ARID2: variants seen among roughly 807,000 people sequenced by gnomAD.
The protein encoded by ARID2 is AT-rich interactive domain-containing protein 2.
Under a neutral mutation model 184.6 loss-of-function variants are expected in ARID2, and 32 were observed. That is an observed-to-expected ratio of 0.17 (90% CI 0.13 to 0.23). The LOEUF (loss-of-function observed/expected upper bound fraction) is 0.23. Among genes scored for constraint, ARID2 ranks in the 10% least tolerant of loss-of-function variants. The probability of loss-of-function intolerance (pLI) is 1.00; values close to 1 mark genes in which losing one functional copy is unlikely to be tolerated. For synonymous variants in ARID2, 836 were observed against 772.6 expected (o/e 1.08, Z -1.36); for missense variants, 1,696 against 2,197.6 (o/e 0.77, Z 4.56).
In ARID2 at chr12:45,849,623, A is replaced by G. The variant is rs78128744; in HGVS notation, c.1759A>G (p.Ser587Gly). 1.1e-3 allele frequency: 1,725 copies of G among 1,613,622 alleles called. 19 individuals are homozygous for G. In the East Asian group the frequency reaches 0.026, roughly 24 times the overall value. Residue 587 changes from serine to glycine, a missense_variant, in exon 14 of 21, where the codon AGT (serine) becomes GGT (glycine). By Grantham distance (56) the Ser-to-Gly change is moderately conservative. Coordinates refer to ENST00000334344, the MANE Select transcript of ARID2 (RefSeq NM_152641.4). ...NHTVKRVEDS[S>G]SNGQAHIHVV... ...TACAGTGAAGAGAGTGGAGGATTCC[A>G]GTAGCAATGGGCAGGCACATATTCA...
intron 3 of ARID2, among the ~76,000 whole-genome samples, chr12:45,751,165 G>T (rs1174578984): frequency 1.3e-5 from 2 of 152,194 alleles, no homozygotes; most frequent in Non-Finnish European, 2.9e-5. Flanking sequence ...GCTTTTGCTT[G>T]AGTAGGGTGT....
chr12:45,786,989 A>T lies in ARID2; in HGVS notation c.285-24429A>T, dbSNP rs12300200. On this transcript the variant is annotated intron_variant, in intron 3 of 20. Transcript: ENST00000334344. ...GATTTCCAGAGGCTGGAAGTTGTGG[A>T]GATGGGGGAGATGTCGGTCAAAGGT... 4.8e-3 allele frequency among the ~76,000 whole-genome samples: 725 copies of T among 152,286 alleles called. 8 individuals carry two copies. The highest frequency in any genetic ancestry group is 0.017 in the African/African-American group (705 of 41,558).
At chr12:45,771,287 G>A (rs568980106) in intron 3 of ARID2, among the ~76,000 whole-genome samples, 142 of 151,844 alleles carry the variant, frequency 9.4e-4, no homozygotes, top group South Asian at 1.7e-3. Flanking sequence ...GAGCCCGGGA[G>A]GCGGAGGTTG....
rs752136701 is a variant in ARID2, at chr12:45,851,467, C to T, written c.3344C>T (p.Thr1115Ile). The change falls in exon 15 of 21, where the codon ACT becomes ATT. Residue 1115 changes from threonine (T) to isoleucine (I), a missense_variant. Thr to Ile is a moderately conservative substitution (Grantham distance 89). This residue lies in a region of ARID2 where 713 missense variants were observed against 824.4 expected (regional missense o/e 0.86). Transcript: ENST00000334344. ...QAAGFGVQGQTPAQQLLVGQQ... is the reference protein window; with the variant it reads ...QAAGFGVQGQIPAQQLLVGQQ... ...GCAGGTTTTGGAGTGCAGGGGCAAA[C>T]TCCAGCTCAGCAGCTATTGGTTGGG... The T allele has an allele frequency of 6.2e-7, 1 of 1,614,134 alleles. No individual in the cohort carries two copies. Among genetic ancestry groups the T allele is most frequent in the Non-Finnish European group, 8.5e-7 (1 of 1,179,994 alleles).
At chr12:45,882,038 A>G (rs936456727) in intron 16 of ARID2, 1 of 172,082 alleles carries the variant, frequency 5.8e-6, no homozygotes, top group African/African-American at 2.4e-5. Context: ...CTCAGGTTCT[A>G]GGTGCTCCTT....
chr12:45,870,696 T>C (rs1943913932), intron 16 of ARID2, among the ~76,000 whole-genome samples: 1 of 152,192 alleles, frequency 6.6e-6, no homozygotes, highest in Admixed American at 6.5e-5. Flanking sequence ...TGTAATATAG[T>C]TGGAATTATT....
At chr12:45,757,705 G>C (rs890862891) in intron 3 of ARID2, among the ~76,000 whole-genome samples, 1 of 151,840 alleles carries the variant, frequency 6.6e-6, no homozygotes, top group African/African-American at 2.4e-5. Context: ...GTTTAAAAAA[G>C]TCTGAAGATT....
intron 3 of ARID2, among the ~76,000 whole-genome samples, chr12:45,785,627 A>G (rs962114160): frequency 3.3e-5 from 5 of 152,222 alleles, no homozygotes; most frequent in African/African-American, 9.7e-5. Flanking sequence ...ATGAATGCCA[A>G]CATGACACTT....
rs118131780 is a variant in ARID2 at position 45,875,435 on chromosome 12, A to C, written c.4922+14486A>C. ...AGTCCTCAGATTTTCAGAATGGCCAATGAGCATTGACTTCAACTTAAAGTC... is the reference window on the plus strand; with the variant it reads ...AGTCCTCAGATTTTCAGAATGGCCACTGAGCATTGACTTCAACTTAAAGTC... On this transcript the variant is annotated intron_variant, in intron 16 of 20. Coordinates refer to ENST00000334344, the MANE Select transcript of ARID2 (RefSeq NM_152641.4). Among the ~76,000 whole-genome samples the C allele has an allele frequency of 5.1e-4, 78 of 152,348 alleles. 1 individual carries two copies. The East Asian group carries it at 0.014, about 27-fold the overall frequency.
intron 16 of ARID2, among the ~76,000 whole-genome samples, chr12:45,877,628 T>G (rs1312215727): frequency 6.6e-6 from 1 of 152,072 alleles, no homozygotes. Flanking sequence ...AAAATTGTCT[T>G]CCATGAAAGT....
At position 45,826,973 on chromosome 12, in the gene ARID2, CTTCA is replaced by C. The variant is rs1386444854; in HGVS notation, c.705+5492_705+5495del. Among the ~76,000 whole-genome samples, 14 of 151,988 alleles carry C rather than the reference CTTCA, an allele frequency of 9.2e-5. No individual in the cohort carries two copies. The East Asian group carries it at 2.3e-3, about 25-fold the overall frequency. Reference sequence around the variant, plus strand: ...TTAATGTTTAGTATTTTAATGGCTACTTCATTCATATTACACATTTCATAATTCA... The same window carrying C: ...TTAATGTTTAGTATTTTAATGGCTACTTCATATTACACATTTCATAATTCA... On this transcript the variant is annotated intron_variant, in intron 6 of 20. Coordinates refer to ENST00000334344, the MANE Select transcript of ARID2 (RefSeq NM_152641.4).
At chr12:45,881,975 G>A (rs746705448) in intron 16 of ARID2, 9 of 196,402 alleles carry the variant, frequency 4.6e-5, no homozygotes, top group Admixed American at 1.6e-4. Context: ...GTGGCAAAGC[G>A]CCTGCTTCCT....
chr12:45,884,848 C>G (rs1944162439), intron 16 of ARID2, among the ~76,000 whole-genome samples: 1 of 152,098 alleles, frequency 6.6e-6, no homozygotes, highest in Non-Finnish European at 1.5e-5. Flanking sequence ...CCCCTATTGC[C>G]TTTGGCAGCT....
chr12:45,786,802 A>T (rs1293634052), intron 3 of ARID2, among the ~76,000 whole-genome samples: 1 of 152,234 alleles, frequency 6.6e-6, no homozygotes, highest in East Asian at 1.9e-4. Context: ...GTGTAATACT[A>T]TTCAGCCGTA....
intron 3 of ARID2, among the ~76,000 whole-genome samples, chr12:45,795,123 TATA>T (rs972565637): frequency 3.2e-4 from 49 of 152,264 alleles, no homozygotes; most frequent in African/African-American, 1.0e-3. Context: ...TTTTATGTTT[TATA>T]ATAATTTTAG....
Position 45,729,752 on chromosome 12 carries a change from C to A in ARID2, c.-85C>A, listed in dbSNP as rs1386401798. The A allele has an allele frequency of 7.3e-7, 1 of 1,375,734 alleles. No homozygotes were observed. The highest frequency in any genetic ancestry group is 1.5e-5 in the African/African-American group (1 of 68,666). The allele number at this position is 1,375,734 out of a possible 1,614,324, so 85.2% of individuals were successfully genotyped here. A position where few individuals can be genotyped will look rare whatever the true frequency, so the allele number is the denominator to read the frequency against. ...GCCGCCGCCGGCCGAGGAATGGGCT[C>A]CGGGCTCTGGTAGGAAGCGCTGGGA... On this transcript the variant is annotated 5_prime_UTR_variant, in exon 1 of 21. Coordinates refer to ENST00000334344, the MANE Select transcript of ARID2 (RefSeq NM_152641.4).
chr12:45,906,468 C>T lies in ARID2; in HGVS notation c.*1390C>T, dbSNP rs1427666335. On this transcript the variant is annotated 3_prime_UTR_variant, in exon 21 of 21. Transcript: ENST00000334344. ...TGTGCAGTAAAAAATATAGACCTAACAGTTTATGTTATAGAATGGCTTTAT... is the reference window on the plus strand; with the variant it reads ...TGTGCAGTAAAAAATATAGACCTAATAGTTTATGTTATAGAATGGCTTTAT... 4.3e-6 allele frequency: 1 copy of T among 232,696 alleles called. No homozygotes were observed. Among genetic ancestry groups the T allele is most frequent in the Admixed American group, 5.6e-5 (1 of 17,758 alleles). The allele number at this position is 232,696 out of a possible 1,614,324, so 14.4% of individuals were successfully genotyped here. A position where few individuals can be genotyped will look rare whatever the true frequency, so the allele number is the denominator to read the frequency against.
intron 3 of ARID2, among the ~76,000 whole-genome samples, chr12:45,747,775 C>T (rs1941386903): frequency 6.6e-6 from 1 of 152,094 alleles, no homozygotes; most frequent in Non-Finnish European, 1.5e-5. Flanking sequence ...GTAAATGTGT[C>T]ATTTTGTGCA....
At position 45,851,090 on chromosome 12, in the gene ARID2, G is replaced by A. The variant is rs534704777; in HGVS notation, c.2967G>A (p.Ser989=). 20 of 1,613,964 alleles carry A rather than the reference G, an allele frequency of 1.2e-5. No individual in the cohort carries two copies. The highest frequency in any genetic ancestry group is 8.9e-5 in the East Asian group (4 of 44,884). The change falls in exon 15 of 21, where the codon TCG becomes TCA. Residue 989 remains serine, a synonymous_variant. Coordinates refer to ENST00000334344, the MANE Select transcript of ARID2 (RefSeq NM_152641.4). The part of the protein sequence containing the change: ...ATNNQVPTAM[S]SSSTPQSQGP... ...ATAACCAAGTCCCTACTGCCATGTC[G>A]TCGTCCTCTACCCCTCAATCACAGG...
Sources: gnomAD v4.1 joint callset for allele counts (sites outside exome capture counted in the v4.1 genomes callset) on GRCh38, gnomAD v4.1.1 for gene constraint, gnomAD v4.1.1 regional missense constraint, MANE v1.5 for transcripts, NCBI Gene and HGNC (gene_info 2026-07-23, HGNC 2026-07-21) for gene names.